Variants in HPSE2 observed in about 807,000 individuals in gnomAD.
HPSE2 encodes heparanase 2 (inactive).
A neutral mutation model predicts 60.5 loss-of-function variants in HPSE2; 38 were observed. The observed-to-expected ratio is 0.63, with a 90% CI of 0.48 to 0.82. The LOEUF is 0.82. Ranked by LOEUF, HPSE2 falls within the 40% of genes least tolerant of loss-of-function variation. HPSE2 has a pLI of 0.00. For synonymous variants in HPSE2, 295 were observed against 293.2 expected, an observed-to-expected ratio of 1.01 and a Z score of -0.06; for missense variants, 713 against 740.4, an observed-to-expected ratio of 0.96 and a Z score of 0.43.
At chr10:98,796,612 G>A (rs950462726) in intron 3 of HPSE2, among the ~76,000 whole-genome samples, 1 of 152,206 alleles carries the variant, frequency 6.6e-6, no homozygotes, top group Non-Finnish European at 1.5e-5. Flanking sequence ...TGCCTTGAGG[G>A]AAGAACACAA....
chr10:98,984,759 T>A (rs1446189255), intron 3 of HPSE2, among the ~76,000 whole-genome samples: 1 of 152,078 alleles, frequency 6.6e-6, no homozygotes, highest in Non-Finnish European at 1.5e-5. Flanking sequence ...ATTAGAGGAA[T>A]GGCTAACTAG....
chr10:98,811,693 T>G (rs1483856538), intron 3 of HPSE2, among the ~76,000 whole-genome samples: 4 of 152,160 alleles, frequency 2.6e-5, no homozygotes, highest in Non-Finnish European at 1.5e-5. Flanking sequence ...TAGAATAAAC[T>G]TGTTGATTTT....
At chr10:98,954,978 T>TTATATATA (rs5787317) in intron 3 of HPSE2, among the ~76,000 whole-genome samples, 8 of 145,308 alleles carry the variant, frequency 5.5e-5, no homozygotes, top group African/African-American at 2.0e-4. Context: ...ATATACATAT[T>TTATATATA]TATATATATA....
chr10:98,973,462 T>C (rs1371501798), intron 3 of HPSE2, among the ~76,000 whole-genome samples: 2 of 152,212 alleles, frequency 1.3e-5, no homozygotes, highest in Non-Finnish European at 1.5e-5. Flanking sequence ...TATCCCTACA[T>C]TGTATTACCA....
At chr10:98,604,114 C>A (rs911512787) in intron 9 of HPSE2, among the ~76,000 whole-genome samples, 3 of 152,012 alleles carry the variant, frequency 2.0e-5, no homozygotes, top group Non-Finnish European at 4.4e-5. Context: ...AATTACAAGG[C>A]ACACTTAAAG....
At chr10:98,987,536 C>T (rs1404249656) in intron 3 of HPSE2, among the ~76,000 whole-genome samples, 3 of 152,134 alleles carry the variant, frequency 2.0e-5, no homozygotes, top group Non-Finnish European at 4.4e-5. Flanking sequence ...CAGCCAATAT[C>T]ATACTGAATG....
chr10:98,725,209 G>T (rs1418074073), intron 4 of HPSE2, among the ~76,000 whole-genome samples: 1 of 152,130 alleles, frequency 6.6e-6, no homozygotes, highest in African/African-American at 2.4e-5. Flanking sequence ...GAACAAAGCT[G>T]GAGGCATCAT....
chr10:99,017,555 G>A (rs1264709546), intron 3 of HPSE2, among the ~76,000 whole-genome samples: 3 of 152,074 alleles, frequency 2.0e-5, no homozygotes, highest in Admixed American at 1.3e-4. Context: ...GAGTTAGGGA[G>A]GAGTCCCTCC....
At chr10:98,635,072 A>G (rs1946462262) in intron 7 of HPSE2, among the ~76,000 whole-genome samples, 1 of 152,170 alleles carries the variant, frequency 6.6e-6, no homozygotes, top group African/African-American at 2.4e-5. Context: ...CTGGACCATA[A>G]AGTCTATGAA....
intron 2 of HPSE2, among the ~76,000 whole-genome samples, chr10:99,192,906 T>C (rs1589803378): frequency 6.6e-6 from 1 of 151,490 alleles, no homozygotes; most frequent in East Asian, 1.9e-4. Flanking sequence ...TTTTCATATA[T>C]AAAAAAAAGG....
chr10:98,763,427 T>G (rs1950050089), intron 3 of HPSE2, among the ~76,000 whole-genome samples: 1 of 151,856 alleles, frequency 6.6e-6, no homozygotes, highest in Admixed American at 6.6e-5. Context: ...ACTGATTAAA[T>G]CCAAGTATAA....
intron 3 of HPSE2, among the ~76,000 whole-genome samples, chr10:99,038,153 C>T (rs1340583975): frequency 6.6e-6 from 1 of 152,086 alleles, no homozygotes; most frequent in East Asian, 1.9e-4. Flanking sequence ...CACCATACCA[C>T]CCAGCAATCA....
intron 2 of HPSE2, among the ~76,000 whole-genome samples, chr10:99,165,985 T>G (rs1175223998): frequency 7.2e-6 from 1 of 137,980 alleles, no homozygotes. Context: ...GCCAACACTT[T>G]GTTGTTTTTT....
chr10:98,600,433 G>A (rs1945364540), intron 9 of HPSE2, among the ~76,000 whole-genome samples: 1 of 152,146 alleles, frequency 6.6e-6, no homozygotes, highest in South Asian at 2.1e-4. Flanking sequence ...GTAATTATAA[G>A]TGTTGAAGAA....
At chr10:98,995,209 A>G (rs1956616924) in intron 3 of HPSE2, among the ~76,000 whole-genome samples, 2 of 152,216 alleles carry the variant, frequency 1.3e-5, no homozygotes, top group Admixed American at 1.3e-4. Context: ...GCTCCTCTAC[A>G]TGGAGAAGGT....
intron 11 of HPSE2, among the ~76,000 whole-genome samples, chr10:98,460,060 C>T (rs1346088292): frequency 2.0e-5 from 3 of 152,076 alleles, no homozygotes; most frequent in Non-Finnish European, 4.4e-5. Flanking sequence ...CCTCCATAGA[C>T]ACATTTAGAC....
chr10:98,767,705 TATA>T (rs1406095884), intron 3 of HPSE2, among the ~76,000 whole-genome samples: 2 of 145,578 alleles, frequency 1.4e-5, no homozygotes, highest in African/African-American at 5.0e-5. Flanking sequence ...ATACATGATA[TATA>T]ATAAATTCAT....
chr10:98,491,886 C>T lies in HPSE2; in HGVS notation c.1321-1690G>A, dbSNP rs183172184. ...CAACCTAAAGGGTGGGTATAGAATC[C>T]GGAAGGGATCCTTAGTTTTTTGTAT... On this transcript the variant is annotated intron_variant, in intron 9 of 11. Transcript: ENST00000370552. Among the ~76,000 whole-genome samples, 831 of 152,224 alleles carry T rather than the reference C, an allele frequency of 5.5e-3. 6 individuals carry two copies. The highest frequency in any genetic ancestry group is 0.019 in the African/African-American group (786 of 41,522).
intron 2 of HPSE2, among the ~76,000 whole-genome samples, chr10:99,163,325 A>G (rs937009040): frequency 1.3e-5 from 2 of 152,148 alleles, no homozygotes; most frequent in Non-Finnish European, 2.9e-5. Flanking sequence ...CTTTGATAAC[A>G]TTTTGCCATA....
Sources: allele counts gnomAD v4.1 joint callset (sites outside exome capture counted in the v4.1 genomes callset), GRCh38; gene constraint gnomAD v4.1.1; transcripts MANE v1.5; gene names NCBI Gene and HGNC (gene_info 2026-07-23, HGNC 2026-07-21).